Variants in ADAMTS17 observed in about 807,000 individuals in gnomAD.
ADAMTS17 encodes A disintegrin and metalloproteinase with thrombospondin motifs 17.
A neutral mutation model predicts 141.5 loss-of-function variants in ADAMTS17; 113 were observed. That is an observed-to-expected ratio of 0.80 (90% CI 0.69 to 0.93). The LOEUF (loss-of-function observed/expected upper bound fraction) is 0.93. Among genes scored for constraint, ADAMTS17 ranks in the 40% least tolerant of loss-of-function variants. The pLI is 0.00. For synonymous variants in ADAMTS17, 768 were observed against 630.6 expected (o/e 1.22, Z -3.27); for missense variants, 1,659 against 1,517.9 (o/e 1.09, Z -1.54).
At chr15:100,100,621 G>GT (rs60442312) in intron 14 of ADAMTS17, among the ~76,000 whole-genome samples, 45,034 of 151,874 alleles carry the variant, frequency 0.3, 7,015 homozygotes, top group African/African-American at 0.38. Context: ...GTGAGCTTGG[G>GT]TTTTTTGTGC....
intron 4 of ADAMTS17, among the ~76,000 whole-genome samples, chr15:100,280,223 C>G (rs901341599): frequency 6.6e-6 from 1 of 152,104 alleles, no homozygotes; most frequent in Non-Finnish European, 1.5e-5. Context: ...CTCCTTTTCT[C>G]AGACAATGGC....
intron 2 of ADAMTS17, among the ~76,000 whole-genome samples, chr15:100,335,966 A>G (rs1300640537): frequency 6.6e-6 from 1 of 152,234 alleles, no homozygotes; most frequent in Non-Finnish European, 1.5e-5. Flanking sequence ...CCTCAGATGT[A>G]CTGGCTGCAA....
intron 15 of ADAMTS17, among the ~76,000 whole-genome samples, chr15:100,065,347 A>C (rs914286133): frequency 2.0e-5 from 3 of 152,208 alleles, no homozygotes; most frequent in African/African-American, 4.8e-5. Flanking sequence ...TACAAAATTC[A>C]AAAATTATAA....
intron 17 of ADAMTS17, among the ~76,000 whole-genome samples, chr15:100,050,657 G>T (rs1220667850): frequency 6.6e-6 from 1 of 152,214 alleles, no homozygotes; most frequent in Middle Eastern, 3.2e-3. Context: ...TCTAACAAAA[G>T]TTATCCAAGC....
At chr15:100,336,599 C>T (rs556507923) in intron 2 of ADAMTS17, among the ~76,000 whole-genome samples, 2 of 152,256 alleles carry the variant, frequency 1.3e-5, no homozygotes, top group East Asian at 3.9e-4. Flanking sequence ...GACTACGTAC[C>T]TTCCTCAGAC....
intron 7 of ADAMTS17, among the ~76,000 whole-genome samples, chr15:100,246,160 A>C (rs1259954213): frequency 6.6e-6 from 1 of 152,162 alleles, no homozygotes; most frequent in East Asian, 1.9e-4. Flanking sequence ...CGGATGCTTA[A>C]AGCTAAACCT....
chr15:99,974,279 A>C lies in ADAMTS17; in HGVS notation c.*123T>G, dbSNP rs982589244. ...AATGGCAAACGCCAAGTCCACGCTC[A>C]TGTTCTATGTAGTTGGATTCTTGTG... On this transcript the variant is annotated 3_prime_UTR_variant, in exon 22 of 22. Transcript: ENST00000268070. The C allele has an allele frequency of 7.0e-6, 9 of 1,282,248 alleles. No homozygotes were observed. In the Admixed American group the frequency reaches 1.5e-4, roughly 22 times the overall value. 79.4% of individuals were successfully genotyped at this position (1,282,248 alleles called of 1,614,324 possible). A position where few individuals can be genotyped will look rare whatever the true frequency, so the allele number is the denominator to read the frequency against.
intron 3 of ADAMTS17, among the ~76,000 whole-genome samples, chr15:100,330,029 G>A (rs766320424): frequency 6.6e-6 from 1 of 152,142 alleles, no homozygotes. Flanking sequence ...TCAGCAGTGG[G>A]GTCCCACGAT....
intron 18 of ADAMTS17, among the ~76,000 whole-genome samples, chr15:100,033,843 G>A (rs1052081632): frequency 2.6e-5 from 4 of 152,152 alleles, no homozygotes; most frequent in Admixed American, 1.3e-4. Context: ...TTCAGATCTG[G>A]TTTCTGTGGC....
intron 14 of ADAMTS17, among the ~76,000 whole-genome samples, chr15:100,103,411 TCTC>T (rs1389645061): frequency 6.6e-6 from 1 of 152,088 alleles, no homozygotes; most frequent in Non-Finnish European, 1.5e-5. Flanking sequence ...CTCTTTGAAT[TCTC>T]CTAAACTTCC....
intron 13 of ADAMTS17, among the ~76,000 whole-genome samples, chr15:100,114,545 C>T (rs1167762547): frequency 6.6e-6 from 1 of 152,180 alleles, no homozygotes; most frequent in African/African-American, 2.4e-5. Context: ...TACCCCAGAG[C>T]AGGACGTGTC....
At chr15:100,146,908 C>G (rs961273540) in intron 10 of ADAMTS17, among the ~76,000 whole-genome samples, 8 of 152,136 alleles carry the variant, frequency 5.3e-5, no homozygotes, top group African/African-American at 1.7e-4. Flanking sequence ...AAATTTTGGT[C>G]AGACTGGTTG....
chr15:100,103,774 C>T (rs1004474016), intron 14 of ADAMTS17, among the ~76,000 whole-genome samples: 4 of 152,156 alleles, frequency 2.6e-5, no homozygotes, highest in East Asian at 1.9e-4. Context: ...CGGGGTTTCA[C>T]CATATCGGCC....
intron 4 of ADAMTS17, among the ~76,000 whole-genome samples, chr15:100,264,847 CAG>C (rs1318203752): frequency 6.6e-6 from 1 of 151,398 alleles, no homozygotes; most frequent in East Asian, 1.9e-4. Flanking sequence ...TTAATGGGTA[CAG>C]AGTTTCCGTT....
chr15:100,039,479 C>T (rs1000771715), intron 18 of ADAMTS17, among the ~76,000 whole-genome samples: 3 of 152,116 alleles, frequency 2.0e-5, no homozygotes, highest in Non-Finnish European at 4.4e-5. Context: ...TTTAGTTTCC[C>T]TTGTGATTTC....
chr15:100,071,320 G>C (rs1262229017), intron 15 of ADAMTS17, among the ~76,000 whole-genome samples: 1 of 149,916 alleles, frequency 6.7e-6, no homozygotes, highest in African/African-American at 2.5e-5. Context: ...GGTACAAGGA[G>C]GAGCTGGTAC....
chr15:100,105,828 C>T (rs1019241530), intron 14 of ADAMTS17, among the ~76,000 whole-genome samples: 1 of 152,056 alleles, frequency 6.6e-6, no homozygotes, highest in Non-Finnish European at 1.5e-5. Context: ...GCTGGGATTA[C>T]AGGCACCCAT....
chr15:99,983,932 C>T (rs1033413785), intron 20 of ADAMTS17, among the ~76,000 whole-genome samples: 4 of 152,170 alleles, frequency 2.6e-5, no homozygotes, highest in Non-Finnish European at 5.9e-5. Context: ...AGGTTTCTCC[C>T]CGAGACTTGG....
chr15:100,279,707 G>A (rs576980068), intron 4 of ADAMTS17, among the ~76,000 whole-genome samples: 5 of 152,158 alleles, frequency 3.3e-5, no homozygotes, highest in African/African-American at 7.2e-5. Context: ...CCTCACACTC[G>A]GAACCTTCGC....
Sources: gnomAD v4.1 joint callset for allele counts (sites outside exome capture counted in the v4.1 genomes callset) on GRCh38, gnomAD v4.1.1 for gene constraint, MANE v1.5 for transcripts, NCBI Gene and HGNC (gene_info 2026-07-23, HGNC 2026-07-21) for gene names.